The following TBCE variants were observed in gnomAD, a reference collection of about 807,000 sequenced individuals.
The protein encoded by TBCE is tubulin-specific chaperone E.
A neutral mutation model predicts 77.0 loss-of-function variants in TBCE; 53 were observed. That is an observed-to-expected ratio of 0.69 (90% CI 0.55 to 0.87). The LOEUF is 0.87. Ranked by LOEUF, TBCE falls within the 40% of genes least tolerant of loss-of-function variation. The probability of loss-of-function intolerance (pLI) is 0.00; values close to 1 mark genes in which losing one functional copy is unlikely to be tolerated. For missense variants in TBCE, 624 were observed against 622.4 expected, an observed-to-expected ratio of 1.00 and a Z score of -0.03; for synonymous variants, 235 against 241.3, an observed-to-expected ratio of 0.97 and a Z score of 0.24.
chr1:235,432,951 T>C (rs1389371290), intron 7 of TBCE: 5 of 1,375,750 alleles, frequency 3.6e-6, no homozygotes, highest in Non-Finnish European at 4.7e-6. Context: ...ATTAGGCTCA[T>C]GCGCAGTGTG....
chr1:235,447,872 T>C (rs1682508496), intron 15 of TBCE, among the ~76,000 whole-genome samples: 1 of 151,924 alleles, frequency 6.6e-6, no homozygotes, highest in Non-Finnish European at 1.5e-5. Flanking sequence ...GGTACAAGAC[T>C]CAGGCTTTCC....
chr1:235,424,800 C>T (rs377135606), intron 5 of TBCE, among the ~76,000 whole-genome samples: 36 of 151,962 alleles, frequency 2.4e-4, no homozygotes, highest in African/African-American at 6.3e-4. Flanking sequence ...CCACAGTTCC[C>T]GGTCCAATTT....
chr1:235,411,051 T>G (rs1435692418), intron 3 of TBCE, among the ~76,000 whole-genome samples: 1 of 152,224 alleles, frequency 6.6e-6, no homozygotes, highest in African/African-American at 2.4e-5. Context: ...TAAACTGAAT[T>G]AGAAAGTTTT....
At chr1:235,434,125 C>A (rs899687966) in intron 7 of TBCE, 79 bp from the exon 8 acceptor site, 23 of 1,275,756 alleles carry the variant, frequency 1.8e-5, no homozygotes, top group Non-Finnish European at 2.5e-5. Flanking sequence ...GAGCTGAATT[C>A]TTGTGGTGGT....
intron 7 of TBCE, chr1:235,433,981 T>A: frequency 1.7e-6 from 1 of 585,742 alleles, no homozygotes; most frequent in Non-Finnish European, 3.1e-6. Context: ...GGCCTCAAAG[T>A]GCCCACAGTG....
intron 3 of TBCE, among the ~76,000 whole-genome samples, chr1:235,405,967 T>C (rs1679402533): frequency 6.6e-6 from 1 of 152,234 alleles, no homozygotes; most frequent in African/African-American, 2.4e-5. Flanking sequence ...ATGTGGTGCA[T>C]GACTGTATTT....
chr1:235,392,927 G>C (rs893529317), intron 2 of TBCE, among the ~76,000 whole-genome samples: 7 of 151,566 alleles, frequency 4.6e-5, no homozygotes, highest in African/African-American at 1.7e-4. Flanking sequence ...GAGGTGGGAG[G>C]ATTGCTTGAG....
chr1:235,413,172 G>A (rs12094865), intron 3 of TBCE, among the ~76,000 whole-genome samples: 25,988 of 152,078 alleles, frequency 0.17, 3,175 homozygotes, highest in African/African-American at 0.35. Context: ...CCTGGGCAAC[G>A]TAGTGAGATG....
At chr1:235,399,982 T>C (rs922158217) in intron 2 of TBCE, among the ~76,000 whole-genome samples, 1 of 152,204 alleles carries the variant, frequency 6.6e-6, no homozygotes, top group Admixed American at 6.6e-5. Context: ...AGGAAAGACA[T>C]GGTTTGGAGA....
intron 15 of TBCE, among the ~76,000 whole-genome samples, chr1:235,447,969 G>T (rs1682524054): frequency 6.6e-6 from 1 of 152,022 alleles, no homozygotes; most frequent in African/African-American, 2.4e-5. Flanking sequence ...CCAGCACTTT[G>T]GGGGGCCAGG....
At chr1:235,387,040 C>G (rs967932694) in intron 2 of TBCE, among the ~76,000 whole-genome samples, 3 of 152,232 alleles carry the variant, frequency 2.0e-5, no homozygotes, top group African/African-American at 7.2e-5. Flanking sequence ...AGCTGCAGGT[C>G]TGTTGGAGTT....
At chr1:235,394,258 T>A (rs1678588118) in intron 2 of TBCE, among the ~76,000 whole-genome samples, 1 of 151,884 alleles carries the variant, frequency 6.6e-6, no homozygotes, top group Non-Finnish European at 1.5e-5. Context: ...GTATATTTAG[T>A]AGAGACGGGG....
intron 3 of TBCE, chr1:235,413,848 A>ATTTTTTTTT (rs781617014): frequency 2.8e-5 from 2 of 70,942 alleles, no homozygotes; most frequent in African/African-American, 6.3e-5. Context: ...TCCACCTACG[A>ATTTTTTTTT]TTTTTTTTTT....
intron 3 of TBCE, among the ~76,000 whole-genome samples, chr1:235,410,592 T>G (rs1191522646): frequency 2.0e-5 from 3 of 152,216 alleles, no homozygotes; most frequent in Non-Finnish European, 4.4e-5. Context: ...TAGTTCATCC[T>G]GAGACTTAGA....
At chr1:235,443,209 C>T (rs1682022064) in intron 15 of TBCE, among the ~76,000 whole-genome samples, 1 of 151,516 alleles carries the variant, frequency 6.6e-6, no homozygotes, top group Non-Finnish European at 1.5e-5. Context: ...CACACACACA[C>T]AATTTTTTTT....
intron 2 of TBCE, among the ~76,000 whole-genome samples, chr1:235,382,583 T>C (rs1407645021): frequency 6.6e-6 from 1 of 152,174 alleles, no homozygotes; most frequent in East Asian, 1.9e-4. Flanking sequence ...GAGCATTTTT[T>C]CATGTGTTTT....
chr1:235,397,200 C>CTT (rs34523932), intron 2 of TBCE, among the ~76,000 whole-genome samples: 5 of 100,758 alleles, frequency 5.0e-5, no homozygotes, highest in East Asian at 2.7e-4. Flanking sequence ...GTCTCAATCT[C>CTT]TTTTTTTTTT....
chr1:235,448,732 A>AAAT lies in TBCE; in HGVS notation c.1555_1557dup (p.Asn519dup). The AAAT allele has an allele frequency of 1.2e-6, 2 of 1,614,066 alleles. No homozygotes were observed. The highest frequency in any genetic ancestry group is 2.2e-5 in the South Asian group (2 of 91,080). ...AGTCATTACAGTTTTATTCTGTGGA[A>AAAT]AATGGAGATTGTCTATTAGTGCGAT... On this transcript the variant is annotated inframe_insertion, in exon 17 of 17. Coordinates refer to ENST00000642610, the MANE Select transcript of TBCE (RefSeq NM_003193.5).
At chr1:235,391,426 A>G (rs1678378801) in intron 2 of TBCE, among the ~76,000 whole-genome samples, 1 of 150,586 alleles carries the variant, frequency 6.6e-6, no homozygotes, top group Non-Finnish European at 1.5e-5. Context: ...TGGAGGTTGC[A>G]GTGAGCCGAG....
Sources: allele counts gnomAD v4.1 joint callset (sites outside exome capture counted in the v4.1 genomes callset), GRCh38; gene constraint gnomAD v4.1.1; transcripts MANE v1.5; gene names NCBI Gene and HGNC (gene_info 2026-07-23, HGNC 2026-07-21).